NPAS2: variants seen among roughly 807,000 people sequenced by gnomAD.
NPAS2 encodes the protein neuronal PAS domain protein 2, also known as neuronal PAS domain-containing protein 2.
Under a neutral mutation model 107.5 loss-of-function variants are expected in NPAS2, and 23 were observed. The ratio of observed to expected loss-of-function variants is 0.21; its 90% CI spans 0.15 to 0.30. The LOEUF (loss-of-function observed/expected upper bound fraction) is 0.30, where lower values mean the gene tolerates loss of function less well. NPAS2 is among the 10% of genes least tolerant of loss of function. NPAS2 has a pLI of 1.00. For synonymous variants in NPAS2, 403 were observed against 417.5 expected (o/e 0.97, Z 0.42); for missense variants, 756 against 1,043.3 (o/e 0.72, Z 3.79).
At chr2:100,882,833 CTT>C (rs1316820898) in intron 1 of NPAS2, among the ~76,000 whole-genome samples, 1 of 152,202 alleles carries the variant, frequency 6.6e-6, no homozygotes, top group Non-Finnish European at 1.5e-5. Context: ...ATGCCATGCA[CTT>C]TCTCTGTGGA....
intron 1 of NPAS2, among the ~76,000 whole-genome samples, chr2:100,855,965 T>G (rs1374798023): frequency 6.6e-6 from 1 of 152,186 alleles, no homozygotes; most frequent in Admixed American, 6.5e-5. Flanking sequence ...TCCCAAGGAC[T>G]CCTCTGAGAA....
intron 1 of NPAS2, among the ~76,000 whole-genome samples, chr2:100,897,854 C>G (rs1681513121): frequency 6.6e-6 from 1 of 152,234 alleles, no homozygotes; most frequent in Non-Finnish European, 1.5e-5. Context: ...TGGGTTCCCC[C>G]TTGCCCAGGC....
chr2:100,903,114 C>T (rs959104971), intron 1 of NPAS2, among the ~76,000 whole-genome samples: 1 of 152,196 alleles, frequency 6.6e-6, no homozygotes, highest in East Asian at 1.9e-4. Flanking sequence ...GACTGAGGAG[C>T]AGCAGCCAGC....
chr2:100,958,866 GC>G (rs1248527008), intron 7 of NPAS2, among the ~76,000 whole-genome samples: 10 of 151,904 alleles, frequency 6.6e-5, no homozygotes, highest in Non-Finnish European at 1.5e-4. Context: ...CACTCTTCTG[GC>G]CCCTAAAAAT....
At chr2:100,881,850 G>C (rs1680368400) in intron 1 of NPAS2, among the ~76,000 whole-genome samples, 1 of 152,182 alleles carries the variant, frequency 6.6e-6, no homozygotes, top group South Asian at 2.1e-4. Context: ...GACAGTGCTG[G>C]TCTCCCACGT....
intron 2 of NPAS2, among the ~76,000 whole-genome samples, chr2:100,906,910 G>GAT (rs1682184139): frequency 6.6e-6 from 1 of 152,214 alleles, no homozygotes; most frequent in Admixed American, 6.5e-5. Context: ...GAAAGCTCTA[G>GAT]GAAGTGGCAG....
intron 2 of NPAS2, among the ~76,000 whole-genome samples, chr2:100,911,900 G>A (rs1289583343): frequency 6.6e-6 from 1 of 152,184 alleles, no homozygotes; most frequent in African/African-American, 2.4e-5. Flanking sequence ...CCAAAGTGCT[G>A]GGATTACAGG....
intron 2 of NPAS2, among the ~76,000 whole-genome samples, chr2:100,921,671 G>A (rs1266938633): frequency 6.6e-6 from 1 of 152,158 alleles, no homozygotes. Context: ...GTAAAAAGAT[G>A]TTCGACATTA....
chr2:100,911,851 C>G (rs1371499651), intron 2 of NPAS2, among the ~76,000 whole-genome samples: 1 of 152,136 alleles, frequency 6.6e-6, no homozygotes, highest in East Asian at 1.9e-4. Context: ...AGGCTGGTCT[C>G]AAACTCCTGG....
chr2:100,988,957 G>C (rs777227370), intron 17 of NPAS2: 9 of 150,410 alleles, frequency 6.0e-5, no homozygotes, highest in South Asian at 2.5e-4. Flanking sequence ...TCCTCCAGGC[G>C]CCCCCTGCTC....
At chr2:100,892,976 C>G (rs1173409533) in intron 1 of NPAS2, among the ~76,000 whole-genome samples, 1 of 152,132 alleles carries the variant, frequency 6.6e-6, no homozygotes, top group Non-Finnish European at 1.5e-5. Flanking sequence ...CCTCAGCCTC[C>G]CAAAGTGCTG....
At chr2:100,993,078 C>T (rs1175907440) in intron 19 of NPAS2, among the ~76,000 whole-genome samples, 1 of 151,900 alleles carries the variant, frequency 6.6e-6, no homozygotes, top group East Asian at 1.9e-4. Context: ...TACAGGTGCC[C>T]AACATGACAC....
rs551628155 is a variant in NPAS2, at chr2:100,911,131, A to G, written c.32+6345A>G. Among the ~76,000 whole-genome samples the G allele has an allele frequency of 1.1e-4, 17 of 152,354 alleles. No homozygotes were observed. In the South Asian group the frequency reaches 2.9e-3, roughly 26 times the overall value. On this transcript the variant is annotated intron_variant, in intron 2 of 20. Coordinates refer to ENST00000335681, the MANE Select transcript of NPAS2 (RefSeq NM_002518.4). ...GGAGAATTTTAGGGCTTCTCAGCACATTAAAGATGCTAAGACTGCAATTAG... is the reference window on the plus strand; with the variant it reads ...GGAGAATTTTAGGGCTTCTCAGCACGTTAAAGATGCTAAGACTGCAATTAG...
chr2:100,883,584 A>G (rs1216870323), intron 1 of NPAS2, among the ~76,000 whole-genome samples: 2 of 152,158 alleles, frequency 1.3e-5, no homozygotes, highest in Non-Finnish European at 2.9e-5. Context: ...GCACAGTCAC[A>G]GATGGAGAAT....
chr2:100,907,232 A>C (rs145832348), intron 2 of NPAS2, among the ~76,000 whole-genome samples: 6 of 152,268 alleles, frequency 3.9e-5, no homozygotes, highest in Non-Finnish European at 5.9e-5. Context: ...TGCCAAAAAA[A>C]ATCTGGGCTA....
rs866013710 is a variant in NPAS2 at position 100,854,422 on chromosome 2, A to G, written c.-23+34008A>G. Among the ~76,000 whole-genome samples, 11 of 152,314 alleles carry G rather than the reference A, an allele frequency of 7.2e-5. No individual in the cohort carries two copies. The South Asian group carries it at 1.9e-3, about 26-fold the overall frequency. On this transcript the variant is annotated intron_variant, in intron 1 of 20. Transcript: ENST00000335681. ...CTCAACCAGGGCCTCAGGGCATGGAACTAGGGTGTTTCTTTGCCTTTTCAT... is the reference window on the plus strand; with the variant it reads ...CTCAACCAGGGCCTCAGGGCATGGAGCTAGGGTGTTTCTTTGCCTTTTCAT...
rs1338196328 is a variant in NPAS2 at position 100,826,214 on chromosome 2, C to T, written c.-23+5800C>T. Reference sequence around the variant, plus strand: ...ATCCCAGCACTTTGGGAGGCCGAGGCGGGCGGATCACGAGGTCAGGAGTTC... The same window carrying T: ...ATCCCAGCACTTTGGGAGGCCGAGGTGGGCGGATCACGAGGTCAGGAGTTC... On this transcript the variant is annotated intron_variant, in intron 1 of 20. Coordinates refer to ENST00000335681, the MANE Select transcript of NPAS2 (RefSeq NM_002518.4). Among the ~76,000 whole-genome samples the T allele has an allele frequency of 4.6e-5, 7 of 152,110 alleles. No individual in the cohort carries two copies. In the East Asian group the frequency reaches 7.7e-4, roughly 17 times the overall value.
intron 1 of NPAS2, among the ~76,000 whole-genome samples, chr2:100,823,155 G>A (rs939646840): frequency 6.6e-6 from 1 of 152,138 alleles, no homozygotes; most frequent in Non-Finnish European, 1.5e-5. Context: ...GAATGCTAAT[G>A]GGGTACTTAA....
At chr2:100,906,829 A>G (rs1481823838) in intron 2 of NPAS2, among the ~76,000 whole-genome samples, 2 of 152,226 alleles carry the variant, frequency 1.3e-5, no homozygotes, top group Admixed American at 6.5e-5. Context: ...TGAAGTGTGT[A>G]TCATTCTTAT....
Sources: gnomAD v4.1 joint callset for allele counts (sites outside exome capture counted in the v4.1 genomes callset) on GRCh38, gnomAD v4.1.1 for gene constraint, MANE v1.5 for transcripts, NCBI Gene and HGNC (gene_info 2026-07-23, HGNC 2026-07-21) for gene names.